NRG1: variants seen among roughly 807,000 people sequenced by gnomAD.
NRG1 encodes the protein neuregulin 1, also known as pro-neuregulin-1, membrane-bound isoform.
NRG1 carries 18 observed loss-of-function variants against 63.8 expected under a neutral mutation model. The ratio of observed to expected loss-of-function variants is 0.28; its 90% CI spans 0.19 to 0.42. The LOEUF is 0.42. Ranked by LOEUF, NRG1 falls within the 10% of genes least tolerant of loss-of-function variation. The pLI is 1.00. For synonymous variants in NRG1, 302 were observed against 301.3 expected (o/e 1.00, Z -0.02); for missense variants, 762 against 814.7 (o/e 0.94, Z 0.79).
intron 1 of NRG1, among the ~76,000 whole-genome samples, chr8:31,816,710 A>G (rs1461062277): frequency 6.6e-6 from 1 of 152,166 alleles, no homozygotes; most frequent in Admixed American, 6.5e-5. Context: ...TCAGGACTGG[A>G]ATTTAGGGCT....
At chr8:32,548,882 T>A in intron 1 of NRG1, 56 bp downstream of exon 1, 1 of 1,496,024 alleles carries the variant, frequency 6.7e-7, no homozygotes, top group Middle Eastern at 2.2e-4. Flanking sequence ...CTCCTACTCC[T>A]CCTCCTCCTC....
At chr8:32,201,326 G>A (rs921476948) in intron 1 of NRG1, among the ~76,000 whole-genome samples, 4 of 152,140 alleles carry the variant, frequency 2.6e-5, no homozygotes, top group African/African-American at 4.8e-5. Context: ...CCAGAATCTA[G>A]CCTGAATTGC....
chr8:31,810,812 C>A lies in NRG1; in HGVS notation c.37+171381C>A, dbSNP rs143091999. ...GGGTATGGGACTGATGACTTCTCCA[C>A]CAGCATATCCTCTGAGGGTGCTGAA... On this transcript the variant is annotated intron_variant, in intron 1 of 10. Transcript: ENST00000519301. Among the ~76,000 whole-genome samples the A allele has an allele frequency of 6.7e-4, 102 of 152,314 alleles. 1 individual carries two copies. In the East Asian group the frequency reaches 0.017, roughly 25 times the overall value.
At chr8:32,226,165 T>C (rs1263919234) in intron 1 of NRG1, among the ~76,000 whole-genome samples, 1 of 152,224 alleles carries the variant, frequency 6.6e-6, no homozygotes, top group Admixed American at 6.5e-5. Flanking sequence ...TTTGACTTTA[T>C]ATTTCCATGT....
chr8:32,201,304 G>A (rs1843477808), intron 1 of NRG1, among the ~76,000 whole-genome samples: 1 of 152,170 alleles, frequency 6.6e-6, no homozygotes, highest in Non-Finnish European at 1.5e-5. Flanking sequence ...TGAGGTCAAT[G>A]CAGCATATCA....
intron 1 of NRG1, among the ~76,000 whole-genome samples, chr8:31,895,960 G>A (rs1831543716): frequency 6.6e-6 from 1 of 152,152 alleles, no homozygotes; most frequent in African/African-American, 2.4e-5. Context: ...GTATATATAT[G>A]CTTTAAAGTT....
chr8:32,634,670 T>G (rs555713936), intron 5 of NRG1, among the ~76,000 whole-genome samples: 1 of 152,342 alleles, frequency 6.6e-6, no homozygotes, highest in South Asian at 2.1e-4. Context: ...TTTTCTTCTT[T>G]TGTTCTCTGT....
intron 1 of NRG1, among the ~76,000 whole-genome samples, chr8:31,799,368 C>A (rs1212632939): frequency 3.9e-5 from 6 of 152,062 alleles, no homozygotes; most frequent in Admixed American, 3.9e-4. Flanking sequence ...TTAGAATAGG[C>A]TGTGTTGACA....
chr8:31,965,363 C>T (rs1224537190), intron 1 of NRG1, among the ~76,000 whole-genome samples: 1 of 151,968 alleles, frequency 6.6e-6, no homozygotes, highest in Non-Finnish European at 1.5e-5. Flanking sequence ...GCTGGGATTA[C>T]AGGTGCACAC....
At chr8:31,946,377 A>T (rs1802538034) in intron 1 of NRG1, among the ~76,000 whole-genome samples, 1 of 152,182 alleles carries the variant, frequency 6.6e-6, no homozygotes, top group Non-Finnish European at 1.5e-5. Context: ...TTGGAAAAAC[A>T]CCATAATGTG....
At chr8:32,384,745 G>C (rs1206335425) in intron 1 of NRG1, among the ~76,000 whole-genome samples, 1 of 152,162 alleles carries the variant, frequency 6.6e-6, no homozygotes, top group Non-Finnish European at 1.5e-5. Flanking sequence ...TTACATTAGG[G>C]CTTGTTATAA....
At chr8:31,767,235 A>T (rs1356905678) in intron 1 of NRG1, among the ~76,000 whole-genome samples, 1 of 152,198 alleles carries the variant, frequency 6.6e-6, no homozygotes, top group Non-Finnish European at 1.5e-5. Context: ...CAGGAACAGA[A>T]GTGTAGAACA....
At chr8:32,106,714 A>G (rs1831307779) in intron 1 of NRG1, among the ~76,000 whole-genome samples, 1 of 152,226 alleles carries the variant, frequency 6.6e-6, no homozygotes, top group South Asian at 2.1e-4. Flanking sequence ...ACTAATGATT[A>G]GAGTTGTTGA....
At chr8:32,052,951 A>G (rs562312695) in intron 1 of NRG1, among the ~76,000 whole-genome samples, 11 of 152,300 alleles carry the variant, frequency 7.2e-5, no homozygotes, top group African/African-American at 2.6e-4. Context: ...GATCTGGCCA[A>G]TGTGGTTAGC....
intron 1 of NRG1, among the ~76,000 whole-genome samples, chr8:32,134,185 A>G (rs536765580): frequency 1.3e-5 from 2 of 151,964 alleles, no homozygotes; most frequent in Admixed American, 6.6e-5. Context: ...AGACACTAAA[A>G]TTTTTTTTAA....
intron 1 of NRG1, among the ~76,000 whole-genome samples, chr8:32,393,938 A>G (rs1418418464): frequency 6.6e-6 from 1 of 152,086 alleles, no homozygotes; most frequent in East Asian, 1.9e-4. Context: ...ATGATATGTC[A>G]TCATCCTCAT....
At chr8:31,820,677 T>G (rs975532274) in intron 1 of NRG1, among the ~76,000 whole-genome samples, 16 of 152,226 alleles carry the variant, frequency 1.1e-4, no homozygotes, top group African/African-American at 3.6e-4. Flanking sequence ...GCATTGGAAC[T>G]TATCTAAACC....
At chr8:32,641,749 T>C (rs1852435837) in intron 5 of NRG1, among the ~76,000 whole-genome samples, 1 of 152,192 alleles carries the variant, frequency 6.6e-6, no homozygotes, top group South Asian at 2.1e-4. Context: ...ATGCTTAAAA[T>C]TAAGTCAAAT....
intron 1 of NRG1, among the ~76,000 whole-genome samples, chr8:32,511,367 G>GTGTATATATATATATATATA (rs1338353608): frequency 3.3e-5 from 4 of 122,072 alleles, no homozygotes; most frequent in Non-Finnish European, 6.9e-5. Context: ...ATATATATGT[G>GTGTATATATATATATATATA]TATATATATA....
Sources: allele counts gnomAD v4.1 joint callset (sites outside exome capture counted in the v4.1 genomes callset), GRCh38; gene constraint gnomAD v4.1.1; transcripts MANE v1.5; gene names NCBI Gene and HGNC (gene_info 2026-07-23, HGNC 2026-07-21).